Variants in RFK observed in about 807,000 individuals in gnomAD.
RFK encodes 0610038L10Rik.
A neutral mutation model predicts 17.6 loss-of-function variants in RFK; 4 were observed. The observed-to-expected ratio is 0.23, with a 90% CI of 0.11 to 0.52. The LOEUF (loss-of-function observed/expected upper bound fraction) is 0.52. Among genes scored for constraint, RFK ranks in the 20% least tolerant of loss-of-function variants. RFK has a pLI of 0.96. For synonymous variants in RFK, 59 were observed against 63.8 expected (o/e 0.92, Z 0.36); for missense variants, 189 against 187.7 (o/e 1.01, Z -0.04).
chr9:76,387,332 G>C lies in RFK; in HGVS notation c.*67C>G. On this transcript the variant is annotated 3_prime_UTR_variant, in exon 4 of 4. Coordinates refer to ENST00000376736, the MANE Select transcript of RFK (RefSeq NM_018339.6). ...TTGATTTTCAGTATATAACCAAGAT[G>C]ATGCTGAACAGTAATAAACACAGAA... The C allele has an allele frequency of 7.0e-7, 1 of 1,421,720 alleles. No homozygotes were observed. The highest frequency in any genetic ancestry group is 9.7e-7 in the Non-Finnish European group (1 of 1,034,510). The allele number at this position is 1,421,720 out of a possible 1,614,324, so 88.1% of individuals were successfully genotyped here. A position where few individuals can be genotyped will look rare whatever the true frequency, so the allele number is the denominator to read the frequency against.
intron 2 of RFK, among the ~76,000 whole-genome samples, chr9:76,390,672 AAAC>A (rs1822806622): frequency 1.3e-5 from 2 of 150,472 alleles, no homozygotes; most frequent in Non-Finnish European, 3.0e-5. Flanking sequence ...TGAAAATACA[AAAC>A]AAAACAAAAC....
At chr9:76,390,346 A>G (rs887376064) in intron 2 of RFK, among the ~76,000 whole-genome samples, 6 of 151,996 alleles carry the variant, frequency 3.9e-5, no homozygotes, top group Non-Finnish European at 7.4e-5. Flanking sequence ...TATAAAAAAA[A>G]TATTGAACTG....
At position 76,387,141 on chromosome 9, in the gene RFK, G is replaced by A. The variant is rs115287458; in HGVS notation, c.*258C>T. 494 of 316,674 alleles carry A rather than the reference G, an allele frequency of 1.6e-3. 1 individual carries two copies. Among genetic ancestry groups the A allele is most frequent in the African/African-American group, 9.7e-3 (461 of 47,550 alleles). 19.6% of individuals were successfully genotyped at this position (316,674 alleles called of 1,614,324 possible). On this transcript the variant is annotated 3_prime_UTR_variant, in exon 4 of 4. Coordinates refer to ENST00000376736, the MANE Select transcript of RFK (RefSeq NM_018339.6). Reference sequence around the variant, plus strand: ...CCTTTTTACCCATACTTATACACATGTAATACCTTTCTAGTGGTACATTTT... The same window carrying A: ...CCTTTTTACCCATACTTATACACATATAATACCTTTCTAGTGGTACATTTT...
intron 3 of RFK, chr9:76,388,321 T>G: frequency 1.6e-6 from 1 of 616,204 alleles, no homozygotes; most frequent in Non-Finnish European, 3.0e-6. Context: ...ATTTACTATG[T>G]GACTTTGAGA....
In RFK at chr9:76,394,413, C is replaced by T. The variant is rs968529431; in HGVS notation, c.-242G>A. 4.0e-5 allele frequency: 18 copies of T among 446,418 alleles called. No homozygotes were observed. The highest frequency in any genetic ancestry group is 6.7e-5 in the Non-Finnish European group (17 of 253,200). The allele number at this position is 446,418 out of a possible 1,614,324, so 27.7% of individuals were successfully genotyped here. On this transcript the variant is annotated 5_prime_UTR_variant, in exon 1 of 4. Transcript: ENST00000376736. ...CGTCTCCGCTGGAGGGCAGCGGAGACAGCCGAAGTAAGTGCCGGGTGTGAG... is the reference window on the plus strand; with the variant it reads ...CGTCTCCGCTGGAGGGCAGCGGAGATAGCCGAAGTAAGTGCCGGGTGTGAG...
intron 2 of RFK, among the ~76,000 whole-genome samples, chr9:76,391,921 G>A (rs1822824298): frequency 7.1e-6 from 1 of 140,620 alleles, no homozygotes; most frequent in African/African-American, 2.6e-5. Context: ...GGGCAACATA[G>A]TGAGACCCCA....
intron 2 of RFK, among the ~76,000 whole-genome samples, chr9:76,390,619 G>C (rs1822806040): frequency 6.6e-6 from 1 of 151,120 alleles, no homozygotes; most frequent in Non-Finnish European, 1.5e-5. Flanking sequence ...AGCTGAGATT[G>C]CACCACTGCA....
chr9:76,388,272 G>A (rs1822767248), intron 3 of RFK: 1 of 552,538 alleles, frequency 1.8e-6, no homozygotes, highest in Non-Finnish European at 3.4e-6. Context: ...CCGCTGGAGA[G>A]AAGCAGCCAG....
At chr9:76,390,463 A>G (rs771121591) in intron 2 of RFK, among the ~76,000 whole-genome samples, 32 of 152,152 alleles carry the variant, frequency 2.1e-4, no homozygotes, top group Middle Eastern at 3.2e-3. Context: ...CAAAAGTTTG[A>G]GACCAGTCTG....
rs1001836486 is a variant in RFK at position 76,388,721 on chromosome 9, C to T, written c.235-65G>A. The T allele has an allele frequency of 1.5e-5, 13 of 878,742 alleles. No individual in the cohort carries two copies. The African/African-American group carries it at 2.0e-4, about 14-fold the overall frequency. 54.4% of individuals were successfully genotyped at this position (878,742 alleles called of 1,614,324 possible). ...CAGTGTACTGAAATCTGAAATACAT[C>T]TTCATGTTTATGGTGAGTTAATTTA... On this transcript the variant is annotated intron_variant, in intron 2 of 3. Transcript: ENST00000376736.
At chr9:76,393,486 C>G (rs1195256118) in intron 1 of RFK, among the ~76,000 whole-genome samples, 1 of 152,164 alleles carries the variant, frequency 6.6e-6, no homozygotes. Context: ...GGATTACAGG[C>G]GTGAGCCACC....
chr9:76,391,929 C>T (rs551095269), intron 2 of RFK, among the ~76,000 whole-genome samples: 4 of 122,666 alleles, frequency 3.3e-5, no homozygotes, highest in South Asian at 3.1e-4. Context: ...TAGTGAGACC[C>T]CATCTTTAAA....
chr9:76,391,401 T>C (rs1564210203), intron 2 of RFK, among the ~76,000 whole-genome samples: 1 of 152,188 alleles, frequency 6.6e-6, no homozygotes, highest in Non-Finnish European at 1.5e-5. Flanking sequence ...GGCAGAAAAG[T>C]ATACCCTCAG....
At chr9:76,388,079 C>T (rs939205758) in intron 3 of RFK, 1 of 349,218 alleles carries the variant, frequency 2.9e-6, no homozygotes, top group African/African-American at 2.2e-5. Context: ...CTGCAAATAT[C>T]AAATGGAGGA....
At chr9:76,391,945 A>G (rs1822825026) in intron 2 of RFK, among the ~76,000 whole-genome samples, 1 of 152,064 alleles carries the variant, frequency 6.6e-6, no homozygotes, top group African/African-American at 2.4e-5. Context: ...TTAAAAAAAA[A>G]AAAAAAGATG....
At chr9:76,388,398 AAAG>A (rs1200049689) in intron 3 of RFK, 153 bp downstream of exon 3, 2 of 644,562 alleles carry the variant, frequency 3.1e-6, no homozygotes, top group Non-Finnish European at 5.6e-6. Context: ...CTCACAGGTG[AAAG>A]AAGATAGATT....
At chr9:76,390,245 A>AAG (rs1420421271) in intron 2 of RFK, among the ~76,000 whole-genome samples, 1 of 152,246 alleles carries the variant, frequency 6.6e-6, no homozygotes, top group Admixed American at 6.5e-5. Context: ...TATGTCAGTC[A>AAG]ATTAAACTTT....
chr9:76,392,550 C>T lies in RFK; in HGVS notation c.102G>A (p.Val34=), dbSNP rs562013314. The change falls in exon 2 of 4, where the codon GTG becomes GTA. Residue 34 remains valine, a synonymous_variant. Coordinates refer to ENST00000376736, the MANE Select transcript of RFK (RefSeq NM_018339.6). ...ATATATCAGCTGGAAGATTATCTAC[C>T]ACTTGCTCAGGAAAATTAGCTAAAC... ...GIPTANFPEQ[V]VDNLPADIST... 199 of 1,614,056 alleles carry T rather than the reference C, an allele frequency of 1.2e-4. 3 individuals carry two copies. In the South Asian group the frequency reaches 2.1e-3, roughly 17 times the overall value.
chr9:76,393,561 C>G (rs140034228), intron 1 of RFK, among the ~76,000 whole-genome samples: 1 of 152,174 alleles, frequency 6.6e-6, no homozygotes, highest in Admixed American at 6.5e-5. Context: ...CAAGTCAAGA[C>G]GCAGCTCTGG....
Sources: allele counts gnomAD v4.1 joint callset (sites outside exome capture counted in the v4.1 genomes callset), GRCh38; gene constraint gnomAD v4.1.1; transcripts MANE v1.5; gene names NCBI Gene and HGNC (gene_info 2026-07-23, HGNC 2026-07-21).